Variants in SYNE1 observed in about 807,000 individuals in gnomAD.
SYNE1 encodes the protein spectrin repeat containing nuclear envelope protein 1.
In SYNE1, 616 loss-of-function variants were observed where a neutral mutation model predicts 1,111.0. That is an observed-to-expected ratio of 0.55 (90% CI 0.52 to 0.59). The LOEUF is 0.59. Ranked by LOEUF, SYNE1 falls within the 20% of genes least tolerant of loss-of-function variation. The pLI is 0.00. For synonymous variants in SYNE1, 3,855 were observed against 3,825.8 expected (o/e 1.01, Z -0.28); for missense variants, 10,006 against 10,417.0 (o/e 0.96, Z 1.72).
chr6:152,255,134 T>C (rs779617413), intron 103 of SYNE1, 45 bp from the exon 104 acceptor site: 7 of 1,451,858 alleles, frequency 4.8e-6, no homozygotes, highest in Non-Finnish European at 6.6e-6. Context: ...GATACATGAA[T>C]TGATATGCAA....
chr6:152,362,023 G>A, intron 64 of SYNE1, 147 bp downstream of exon 64: 1 of 1,081,500 alleles, frequency 9.2e-7, no homozygotes, highest in Non-Finnish European at 1.3e-6. Context: ...TCCAGTTTAA[G>A]AAGCCTTTAG....
At chr6:152,360,768 G>A (rs1317635644) in intron 64 of SYNE1, among the ~76,000 whole-genome samples, 1 of 152,128 alleles carries the variant, frequency 6.6e-6, no homozygotes, top group Non-Finnish European at 1.5e-5. Flanking sequence ...TATTTATGAA[G>A]CAGATAATTA....
rs1334367718 is a variant in SYNE1 at position 152,460,761 on chromosome 6, CT to C, written c.2394+835del. ...GCTTATGACTAGTGCTTACATCCAT[CT>C]AGTTCCCTGTACAGAAAAGGTATAA... On this transcript the variant is annotated intron_variant, in intron 21 of 145. Coordinates refer to ENST00000367255, the MANE Select transcript of SYNE1 (RefSeq NM_182961.4). Among the ~76,000 whole-genome samples the C allele has an allele frequency of 1.4e-4, 5 of 35,514 alleles. No individual in the cohort carries two copies. In the East Asian group the frequency reaches 0.016, roughly 115 times the overall value. The allele number at this position is 35,514 out of a possible 152,430, so 23.3% of individuals were successfully genotyped here. A position where few individuals can be genotyped will look rare whatever the true frequency, so the allele number is the denominator to read the frequency against.
At chr6:152,375,182 ATCCACCCACTGTGGCC>A (rs1423140544) in intron 58 of SYNE1, among the ~76,000 whole-genome samples, 6 of 152,100 alleles carry the variant, frequency 3.9e-5, no homozygotes, top group Non-Finnish European at 8.8e-5. Context: ...ATCTTAAGTG[ATCCACCCACTGTGGCC>A]TCCTAAAGTG....
Position 152,231,802 on chromosome 6 carries a change from G to GTA in SYNE1, c.20863-237_20863-236dup, listed in dbSNP as rs10668582. On this transcript the variant is annotated intron_variant, in intron 113 of 145. Coordinates refer to ENST00000367255, the MANE Select transcript of SYNE1 (RefSeq NM_182961.4). ...CGTGTGTATGTGTGTGTGTGTGTGT[G>GTA]TATATATATATTTAGGTAGAAGATT... Among the ~76,000 whole-genome samples the GTA allele has an allele frequency of 0.014, 2,109 of 149,546 alleles. 22 individuals are homozygous for GTA. Among genetic ancestry groups the GTA allele is most frequent in the South Asian group, 0.026 (123 of 4,764 alleles).
chr6:152,477,420 G>A (rs753004551), intron 14 of SYNE1, among the ~76,000 whole-genome samples: 9 of 152,042 alleles, frequency 5.9e-5, no homozygotes, highest in Non-Finnish European at 1.2e-4. Context: ...GAACACAACG[G>A]GAATATCAGT....
At chr6:152,247,727 T>TTATATATATATA (rs1183787546) in intron 105 of SYNE1, among the ~76,000 whole-genome samples, 9 of 117,778 alleles carry the variant, frequency 7.6e-5, no homozygotes, top group African/African-American at 1.4e-4. Context: ...ATATTTTTTA[T>TTATATATATATA]TATATATATA....
At chr6:152,159,476 T>C (rs907763486) in intron 131 of SYNE1, among the ~76,000 whole-genome samples, 1 of 152,238 alleles carries the variant, frequency 6.6e-6, no homozygotes, top group African/African-American at 2.4e-5. Flanking sequence ...TATGTGCATA[T>C]TTAATGTAGT....
At chr6:152,580,269 A>G (rs1431186741) in intron 3 of SYNE1, among the ~76,000 whole-genome samples, 1 of 152,196 alleles carries the variant, frequency 6.6e-6, no homozygotes, top group Non-Finnish European at 1.5e-5. Context: ...ATGATGAGTG[A>G]TGTCGAACAT....
intron 3 of SYNE1, among the ~76,000 whole-genome samples, chr6:152,610,806 C>A (rs1182893642): frequency 6.6e-6 from 1 of 152,190 alleles, no homozygotes; most frequent in African/African-American, 2.4e-5. Context: ...TCAGCAGAAA[C>A]CCTACCAGCC....
rs191974356 is a variant in SYNE1 at position 152,484,168 on chromosome 6, T to C, written c.1185+667A>G. 3.0e-4 allele frequency among the ~76,000 whole-genome samples: 46 copies of C among 152,036 alleles called. No individual in the cohort carries two copies. In the East Asian group the frequency reaches 8.5e-3, roughly 28 times the overall value. ...TTGAAGCTGCAGTGAGCTGTGATTG[T>C]GCCACTGCACTTTAGCCTGGGTGAC... On this transcript the variant is annotated intron_variant, in intron 13 of 145. Coordinates refer to ENST00000367255, the MANE Select transcript of SYNE1 (RefSeq NM_182961.4).
chr6:152,232,737 T>C (rs1035376539), intron 112 of SYNE1, among the ~76,000 whole-genome samples: 10 of 152,246 alleles, frequency 6.6e-5, no homozygotes, highest in Non-Finnish European at 1.3e-4. Flanking sequence ...CCTAAGAACA[T>C]AGCCAATTTC....
rs755243446 is a variant in SYNE1 at position 152,316,908 on chromosome 6, G to A, written c.16651C>T (p.His5551Tyr). ...GCAGAATTCCATGCAATAGTTCCAT[G>A]AGCCAAGACTTTAGCTTTTTCAATC... ...KWIEKAKVLA[H>Y]GTIAWNSASQ... Residue 5551 changes from histidine (H) to tyrosine (Y), a missense_variant, in exon 87 of 146, where the codon CAT becomes TAT. Transcript: ENST00000367255. 3 of 1,614,148 alleles carry A rather than the reference G, an allele frequency of 1.9e-6. No individual in the cohort carries two copies. The highest frequency in any genetic ancestry group is 2.5e-6 in the Non-Finnish European group (3 of 1,180,024).
rs2060425639 is a variant in SYNE1, at chr6:152,151,545, T to C, written c.24450+8A>G. On this transcript the variant is annotated splice_region_variant and intron_variant, in intron 135 of 145. Transcript: ENST00000367255. ...TTCACTTTGGTAACTTGAAAAATAA[T>C]CTATTACCTTGAGTTGCTTTATTTT... The C allele has an allele frequency of 1.9e-6, 3 of 1,613,648 alleles. No individual in the cohort carries two copies. The highest frequency in any genetic ancestry group is 2.5e-6 in the Non-Finnish European group (3 of 1,179,930).
rs1564152660 is a variant in SYNE1, at chr6:152,455,546, G to A, written c.2772C>T (p.Thr924=). The A allele has an allele frequency of 6.2e-7, 1 of 1,613,902 alleles. No individual in the cohort carries two copies. The highest frequency in any genetic ancestry group is 1.7e-5 in the Admixed American group (1 of 59,986). ...KTGDWKKHVE[T]NSRLMKKFEE... is the part of the protein sequence containing the mutation. ...CAAACTTCTTCATCAAGCGACTGTT[G>A]GTTTCCACATGCTTCTTCCAATCTC... Residue 924 remains threonine (T), a synonymous_variant, in exon 24 of 146, where the codon ACC becomes ACT. Transcript: ENST00000367255.
At chr6:152,500,867 C>T (rs916523672) in intron 10 of SYNE1, among the ~76,000 whole-genome samples, 1 of 149,696 alleles carries the variant, frequency 6.7e-6, no homozygotes, top group Non-Finnish European at 1.5e-5. Context: ...AGGAGAATGG[C>T]ATGAACCTGG....
At chr6:152,226,722 C>T (rs1310874073) in intron 115 of SYNE1, among the ~76,000 whole-genome samples, 6 of 152,124 alleles carry the variant, frequency 3.9e-5, no homozygotes, top group Admixed American at 3.3e-4. Context: ...GTCATCCGAC[C>T]TGTCTTGGGT....
intron 77 of SYNE1, among the ~76,000 whole-genome samples, chr6:152,333,424 T>C (rs1339902563): frequency 6.6e-6 from 1 of 152,144 alleles, no homozygotes; most frequent in Non-Finnish European, 1.5e-5. Flanking sequence ...TAACTTGTAA[T>C]TAAACAAAAT....
At chr6:152,611,207 T>G (rs9383630) in intron 3 of SYNE1, among the ~76,000 whole-genome samples, 110,402 of 151,982 alleles carry the variant, frequency 0.73, 40,265 homozygotes, top group East Asian at 0.81. Flanking sequence ...TCACAAATTG[T>G]ATAAAGAGTC....
Sources: allele counts gnomAD v4.1 joint callset (sites outside exome capture counted in the v4.1 genomes callset), GRCh38; gene constraint gnomAD v4.1.1; transcripts MANE v1.5; gene names NCBI Gene and HGNC (gene_info 2026-07-23, HGNC 2026-07-21).